EIF2B3: variants seen among roughly 807,000 people sequenced by gnomAD.
EIF2B3 encodes the protein eukaryotic translation initiation factor 2B subunit gamma.
A neutral mutation model predicts 54.1 loss-of-function variants in EIF2B3; 20 were observed. The ratio of observed to expected loss-of-function variants is 0.37; its 90% CI spans 0.26 to 0.54. The LOEUF (loss-of-function observed/expected upper bound fraction) is 0.54, where lower values mean the gene tolerates loss of function less well. Among genes scored for constraint, EIF2B3 ranks in the 20% least tolerant of loss-of-function variants. The pLI is 0.86. For missense variants in EIF2B3, 448 were observed against 547.8 expected (o/e 0.82, Z 1.82); for synonymous variants, 153 against 188.1 (o/e 0.81, Z 1.52).
At chr1:44,916,492 T>A (rs1485088603) in intron 5 of EIF2B3, among the ~76,000 whole-genome samples, 2 of 147,282 alleles carry the variant, frequency 1.4e-5, no homozygotes, top group Non-Finnish European at 3.0e-5. Flanking sequence ...CCTCCCAAAG[T>A]GCTAGGATTA....
rs142027910 is a variant in EIF2B3 at position 44,978,976 on chromosome 1, T to G, written c.149-516A>C. ...TCTTAGAACAATCTCATCTTACAAATGAGGAATCTTGGATTAAAAGACATG... is the reference window on the plus strand; with the variant it reads ...TCTTAGAACAATCTCATCTTACAAAGGAGGAATCTTGGATTAAAAGACATG... On this transcript the variant is annotated intron_variant, in intron 2 of 11. Coordinates refer to ENST00000360403, the MANE Select transcript of EIF2B3 (RefSeq NM_020365.5). Among the ~76,000 whole-genome samples the G allele has an allele frequency of 2.0e-3, 301 of 151,924 alleles. 1 individual carries two copies. The highest frequency in any genetic ancestry group is 6.9e-3 in the African/African-American group (287 of 41,470).
At chr1:44,861,463 A>G (rs1211972381) in intron 10 of EIF2B3, among the ~76,000 whole-genome samples, 1 of 152,228 alleles carries the variant, frequency 6.6e-6, no homozygotes, top group African/African-American at 2.4e-5. Context: ...GTCAGCAGAC[A>G]AGAAACAGCC....
rs952744937 is a variant in EIF2B3 at position 44,942,832 on chromosome 1, A to G, written c.295-1167T>C. Among the ~76,000 whole-genome samples, 8 of 151,902 alleles carry G rather than the reference A, an allele frequency of 5.3e-5. No individual in the cohort carries two copies. The South Asian group carries it at 6.2e-4, about 12-fold the overall frequency. On this transcript the variant is annotated intron_variant, in intron 3 of 11. Transcript: ENST00000360403. ...GGAATTGTGATAACACTTTGCAAACATTATTTATTTTATTTTATTTTATTT... is the reference window on the plus strand; with the variant it reads ...GGAATTGTGATAACACTTTGCAAACGTTATTTATTTTATTTTATTTTATTT...
chr1:44,882,928 C>CTTTT (rs1003449669), intron 6 of EIF2B3, among the ~76,000 whole-genome samples: 18 of 114,458 alleles, frequency 1.6e-4, no homozygotes, highest in East Asian at 2.5e-4. Flanking sequence ...TTTTCTTTTT[C>CTTTT]TTTTTTTTTT....
chr1:44,958,482 G>C (rs1430449259), intron 3 of EIF2B3: 24 of 810,564 alleles, frequency 3.0e-5, no homozygotes, highest in Non-Finnish European at 4.0e-5. Flanking sequence ...TGTAAATCCT[G>C]GATATACAGT....
chr1:44,883,076 C>T (rs189605957), intron 6 of EIF2B3, among the ~76,000 whole-genome samples: 1,597 of 150,194 alleles, frequency 0.011, 8 homozygotes, highest in Non-Finnish European at 0.018. Flanking sequence ...TTACAGGCGC[C>T]GGCCACCATG....
Position 44,881,624 on chromosome 1 carries a change from GCTC to G in EIF2B3, c.769_771del (p.Glu257del). The G allele has an allele frequency of 6.2e-7, 1 of 1,614,152 alleles. No individual in the cohort carries two copies. Among genetic ancestry groups the G allele is most frequent in the Non-Finnish European group, 8.5e-7 (1 of 1,179,996 alleles). ...CCCAAGAACTGACCTAAGGACTTCAGCTCCTTTTTCTTTAGATCCTCCTCTTTT... is the reference window on the plus strand; with the variant it reads ...CCCAAGAACTGACCTAAGGACTTCAGCTTTTTCTTTAGATCCTCCTCTTTT... On this transcript the variant is annotated inframe_deletion, in exon 7 of 12. Transcript: ENST00000360403. The surrounding 1 kb of genome is among the most constrained non-coding windows in gnomAD (Gnocchi z 4.0).
intron 3 of EIF2B3, among the ~76,000 whole-genome samples, chr1:44,968,120 T>C (rs1644364579): frequency 6.6e-6 from 1 of 151,650 alleles, no homozygotes; most frequent in African/African-American, 2.4e-5. Context: ...TCCCATTACT[T>C]TGGGAAGCTG....
chr1:44,942,833 T>C (rs138749723), intron 3 of EIF2B3, among the ~76,000 whole-genome samples: 3 of 151,894 alleles, frequency 2.0e-5, no homozygotes, highest in Non-Finnish European at 4.4e-5. Flanking sequence ...TTTGCAAACA[T>C]TATTTATTTT....
chr1:44,966,127 C>G (rs1315852078), intron 3 of EIF2B3, among the ~76,000 whole-genome samples: 13 of 151,710 alleles, frequency 8.6e-5, no homozygotes. Flanking sequence ...ACTCTCAAAA[C>G]TAACAAACCA....
chr1:44,926,584 T>C (rs1376058216), intron 5 of EIF2B3, 44 bp downstream of exon 5: 1 of 1,536,024 alleles, frequency 6.5e-7, no homozygotes, highest in African/African-American at 1.4e-5. Flanking sequence ...TTATTTTGTT[T>C]TAAGACAAGG....
intron 5 of EIF2B3, among the ~76,000 whole-genome samples, chr1:44,905,699 G>A (rs556791630): frequency 3.9e-4 from 60 of 152,202 alleles, no homozygotes; most frequent in African/African-American, 1.3e-3. Flanking sequence ...GATTAGCCAA[G>A]ATAATCTCTC....
intron 5 of EIF2B3, among the ~76,000 whole-genome samples, chr1:44,917,418 G>A (rs961327036): frequency 9.3e-5 from 14 of 150,948 alleles, no homozygotes; most frequent in Non-Finnish European, 1.8e-4. Flanking sequence ...TCTTGAACCC[G>A]GGAGGCAGAG....
At chr1:44,854,966 A>G (rs762610538) in intron 11 of EIF2B3, among the ~76,000 whole-genome samples, 8 of 151,954 alleles carry the variant, frequency 5.3e-5, no homozygotes, top group Non-Finnish European at 1.2e-4. Flanking sequence ...AGACTTTGCC[A>G]TCTATTGAGC....
chr1:44,882,384 C>T (rs1443149032), intron 6 of EIF2B3, among the ~76,000 whole-genome samples: 1 of 152,156 alleles, frequency 6.6e-6, no homozygotes, highest in Non-Finnish European at 1.5e-5. Context: ...CTGTTAACCT[C>T]CAAATTGCTC....
At chr1:44,923,580 C>A (rs1643793660) in intron 5 of EIF2B3, among the ~76,000 whole-genome samples, 1 of 152,122 alleles carries the variant, frequency 6.6e-6, no homozygotes, top group Admixed American at 6.5e-5. Flanking sequence ...ACTCAGTTTC[C>A]TTTCAGTCTA....
chr1:44,909,002 T>C (rs1643465699), intron 5 of EIF2B3, among the ~76,000 whole-genome samples: 1 of 152,162 alleles, frequency 6.6e-6, no homozygotes, highest in Non-Finnish European at 1.5e-5. Flanking sequence ...TGAAGAGTGG[T>C]TCTGAGGGTT....
At chr1:44,925,640 CT>C (rs1241003907) in intron 5 of EIF2B3, among the ~76,000 whole-genome samples, 2 of 151,984 alleles carry the variant, frequency 1.3e-5, no homozygotes, top group African/African-American at 2.4e-5. Flanking sequence ...AAAATGGCCA[CT>C]TAGGGCTGGG....
At position 44,981,676 on chromosome 1, in the gene EIF2B3, CT is replaced by C. The variant is rs533090192; in HGVS notation, c.-9-500del. On this transcript the variant is annotated intron_variant, in intron 1 of 11. Coordinates refer to ENST00000360403, the MANE Select transcript of EIF2B3 (RefSeq NM_020365.5). The stretch of plus-strand genomic sequence containing the variant: ...TTAGGCTGGGTGAGGTGGCTCACAT[CT>C]GTAATCCCAGCACTTTGGGAGGCTG... Among the ~76,000 whole-genome samples, 41 of 152,254 alleles carry C rather than the reference CT, an allele frequency of 2.7e-4. 1 individual carries two copies. In the East Asian group the frequency reaches 6.0e-3, roughly 22 times the overall value.
Sources: allele counts gnomAD v4.1 joint callset (sites outside exome capture counted in the v4.1 genomes callset), GRCh38; gene constraint gnomAD v4.1.1; non-coding constraint Gnocchi (gnomAD v3.1); transcripts MANE v1.5; gene names NCBI Gene and HGNC (gene_info 2026-07-23, HGNC 2026-07-21).